Variants in ANKRD55 observed in about 807,000 individuals in gnomAD.
ANKRD55 encodes the protein ankyrin repeat domain 55, also known as ankyrin repeat domain-containing protein 55.
ANKRD55 carries 41 observed loss-of-function variants against 60.6 expected under a neutral mutation model. That is an observed-to-expected ratio of 0.68 (90% confidence interval 0.53 to 0.88). The LOEUF (loss-of-function observed/expected upper bound fraction) is 0.88. ANKRD55 is among the 40% of genes least tolerant of loss of function. The probability of loss-of-function intolerance (pLI) is 0.00; values close to 1 mark genes in which losing one functional copy is unlikely to be tolerated. For synonymous variants in ANKRD55, 264 were observed against 290.3 expected, an observed-to-expected ratio of 0.91 and a Z score of 0.92; for missense variants, 732 against 767.6, an observed-to-expected ratio of 0.95 and a Z score of 0.55.
intron 9 of ANKRD55, among the ~76,000 whole-genome samples, chr5:56,115,837 A>C (rs899270945): frequency 1.3e-5 from 2 of 151,994 alleles, no homozygotes; most frequent in Non-Finnish European, 2.9e-5. Context: ...TTTTATTAAA[A>C]ATTTCTCATT....
chr5:56,204,383 G>C (rs2111862890), intron 2 of ANKRD55, among the ~76,000 whole-genome samples: 1 of 152,278 alleles, frequency 6.6e-6, no homozygotes, highest in Admixed American at 6.5e-5. Context: ...TGGTGTTTTA[G>C]ACATGAAGTC....
intron 2 of ANKRD55, among the ~76,000 whole-genome samples, chr5:56,214,054 G>T (rs759785500): frequency 6.6e-6 from 1 of 152,234 alleles, no homozygotes; most frequent in Non-Finnish European, 1.5e-5. Flanking sequence ...AAGAGAGCTT[G>T]TGCAGGGGAA....
Position 56,179,774 on chromosome 5 carries a change from G to A in ANKRD55, c.182-3492C>T, listed in dbSNP as rs1474813927. On this transcript the variant is annotated intron_variant, in intron 3 of 11. Coordinates refer to ENST00000341048, the MANE Select transcript of ANKRD55 (RefSeq NM_024669.3). Reference sequence around the variant, plus strand: ...TTTGGCTAAGAAACTTAGCCACTTCGAGACTCATTGTCTTGTCCTGGGTGG... The same window carrying A: ...TTTGGCTAAGAAACTTAGCCACTTCAAGACTCATTGTCTTGTCCTGGGTGG... Among the ~76,000 whole-genome samples, 3 of 152,132 alleles carry A rather than the reference G, an allele frequency of 2.0e-5. 1 individual carries two copies. The highest frequency in any genetic ancestry group is 3.8e-4 in the East Asian group (2 of 5,204).
In ANKRD55 at chr5:56,192,712, A is replaced by G. The variant is rs1759129347; in HGVS notation, c.59-9078T>C. The G allele has an allele frequency of 4.4e-6, 6 of 1,375,126 alleles. No homozygotes were observed. In the Admixed American group the frequency reaches 7.1e-5, roughly 16 times the overall value. 85.2% of individuals were successfully genotyped at this position (1,375,126 alleles called of 1,614,324 possible). A position where few individuals can be genotyped will look rare whatever the true frequency, so the allele number is the denominator to read the frequency against. On this transcript the variant is annotated intron_variant, in intron 2 of 11. Coordinates refer to ENST00000341048, the MANE Select transcript of ANKRD55 (RefSeq NM_024669.3). ...ATGCGAGGCATTCAGATGATAATGG[A>G]CAGAATCATCTAGGAGGACAAATGA...
rs550172350 is a variant in ANKRD55, at chr5:56,226,668, G to A, written c.58+6188C>T. ...AAAAATCAAACAACCCCATCAAAAA[G>A]TGGGTGAAGGGTGTGAACAGACACT... On this transcript the variant is annotated intron_variant, in intron 2 of 11. Transcript: ENST00000341048. Among the ~76,000 whole-genome samples the A allele has an allele frequency of 2.0e-5, 3 of 152,332 alleles. No homozygotes were observed. In the East Asian group the frequency reaches 5.8e-4, roughly 29 times the overall value.
chr5:56,212,245 T>C (rs1759693064), intron 2 of ANKRD55, among the ~76,000 whole-genome samples: 1 of 152,194 alleles, frequency 6.6e-6, no homozygotes, highest in South Asian at 2.1e-4. Flanking sequence ...TTGGAGGATA[T>C]CTATTAATAA....
rs145943905 is a variant in ANKRD55 at position 56,133,492 on chromosome 5, C to T, written c.613-6386G>A. The stretch of plus-strand genomic sequence containing the variant: ...GGATACAATTGATGTCTACTGACTA[C>T]TTCATCTAACAGCAAAATACACATT... On this transcript the variant is annotated intron_variant, in intron 7 of 11. Transcript: ENST00000341048. 1.2e-3 allele frequency among the ~76,000 whole-genome samples: 122 copies of T among 103,806 alleles called. 23 individuals carry two copies. The highest frequency in any genetic ancestry group is 3.7e-3 in the African/African-American group (117 of 31,734). The allele number at this position is 103,806 out of a possible 152,430, so 68.1% of individuals were successfully genotyped here. A position where few individuals can be genotyped will look rare whatever the true frequency, so the allele number is the denominator to read the frequency against.
intron 10 of ANKRD55, among the ~76,000 whole-genome samples, chr5:56,103,587 A>G (rs1756357374): frequency 6.6e-6 from 1 of 152,120 alleles, no homozygotes; most frequent in African/African-American, 2.4e-5. Context: ...AAATGATATT[A>G]CCTCTCAACA....
In ANKRD55 at chr5:56,137,454, C is replaced by T. The variant is rs902239936; in HGVS notation, c.612+6347G>A. 139 of 821,596 alleles carry T rather than the reference C, an allele frequency of 1.7e-4. 1 individual carries two copies. The highest frequency in any genetic ancestry group is 9.7e-4 in the South Asian group (73 of 75,558). 50.9% of individuals were successfully genotyped at this position (821,596 alleles called of 1,614,324 possible). ...TGAAAAGGAACAAAATGTTCCTAAACCAGAAGAGGAGATTGCCCAGAAGAA... is the reference window on the plus strand; with the variant it reads ...TGAAAAGGAACAAAATGTTCCTAAATCAGAAGAGGAGATTGCCCAGAAGAA... On this transcript the variant is annotated intron_variant, in intron 7 of 11. Transcript: ENST00000341048.
chr5:56,159,602 G>A (rs1470220820), intron 6 of ANKRD55, among the ~76,000 whole-genome samples: 1 of 152,198 alleles, frequency 6.6e-6, no homozygotes, highest in Non-Finnish European at 1.5e-5. Flanking sequence ...AAATGCTGAA[G>A]TACTTAATGC....
rs184241432 is a variant in ANKRD55 at position 56,145,085 on chromosome 5, A to T, written c.484-1156T>A. Among the ~76,000 whole-genome samples, 202 of 152,334 alleles carry T rather than the reference A, an allele frequency of 1.3e-3. 1 individual carries two copies. Among genetic ancestry groups the T allele is most frequent in the African/African-American group, 4.6e-3 (190 of 41,586 alleles). On this transcript the variant is annotated intron_variant, in intron 6 of 11. Transcript: ENST00000341048. The stretch of plus-strand genomic sequence containing the variant: ...GAAGATGGGCCTCAGCCTAGACAGG[A>T]GCACATTAATAATAGCGCAGAGCTA...
At position 56,108,804 on chromosome 5, in the gene ANKRD55, C is replaced by T. The variant is rs369868182; in HGVS notation, c.1630+2314G>A. ...CTGTAATCCCAGCATTTTGGGAGGCCGAGGCGGACGGATCACGAGGTCAGG... is the reference window on the plus strand; with the variant it reads ...CTGTAATCCCAGCATTTTGGGAGGCTGAGGCGGACGGATCACGAGGTCAGG... On this transcript the variant is annotated intron_variant, in intron 10 of 11. Transcript: ENST00000341048. 9.2e-5 allele frequency among the ~76,000 whole-genome samples: 14 copies of T among 152,186 alleles called. No homozygotes were observed. In the South Asian group the frequency reaches 2.5e-3, roughly 27 times the overall value.
chr5:56,228,027 G>C (rs999624049), intron 2 of ANKRD55, among the ~76,000 whole-genome samples: 4 of 152,198 alleles, frequency 2.6e-5, no homozygotes, highest in Non-Finnish European at 4.4e-5. Flanking sequence ...GAGTCACAGT[G>C]TTGCGTGCTT....
chr5:56,141,820 C>T (rs2111756110), intron 7 of ANKRD55, among the ~76,000 whole-genome samples: 1 of 152,198 alleles, frequency 6.6e-6, no homozygotes, highest in South Asian at 2.1e-4. Context: ...TAAAAATGAC[C>T]ATTTCGTCCA....
At chr5:56,225,694 A>G (rs1760093830) in intron 2 of ANKRD55, among the ~76,000 whole-genome samples, 1 of 152,212 alleles carries the variant, frequency 6.6e-6, no homozygotes, top group Non-Finnish European at 1.5e-5. Flanking sequence ...CCAACAACAG[A>G]CAAACAGAGA....
intron 9 of ANKRD55, among the ~76,000 whole-genome samples, chr5:56,113,913 G>A (rs1756810697): frequency 6.6e-6 from 1 of 151,358 alleles, no homozygotes; most frequent in Non-Finnish European, 1.5e-5. Flanking sequence ...GCTTCCCAAA[G>A]TGTGGAGGTT....
At chr5:56,219,396 G>A (rs1253679129) in intron 2 of ANKRD55, among the ~76,000 whole-genome samples, 1 of 151,946 alleles carries the variant, frequency 6.6e-6, no homozygotes, top group Non-Finnish European at 1.5e-5. Flanking sequence ...ATACTGGAAT[G>A]ACTTCCCTTC....
At chr5:56,195,853 C>T (rs2111850078) in intron 2 of ANKRD55, among the ~76,000 whole-genome samples, 1 of 152,260 alleles carries the variant, frequency 6.6e-6, no homozygotes, top group East Asian at 1.9e-4. Context: ...TTACTCTGCC[C>T]ACATAGTGAA....
At chr5:56,157,025 G>C (rs1443134397) in intron 6 of ANKRD55, 1 of 152,930 alleles carries the variant, frequency 6.5e-6, no homozygotes, top group Non-Finnish European at 1.5e-5. Flanking sequence ...AAATCAGACT[G>C]TTACTGTGTC....
Sources: gnomAD v4.1 joint callset for allele counts (sites outside exome capture counted in the v4.1 genomes callset) on GRCh38, gnomAD v4.1.1 for gene constraint, MANE v1.5 for transcripts, NCBI Gene and HGNC (gene_info 2026-07-23, HGNC 2026-07-21) for gene names.